Variants in SPATA13 observed in about 807,000 individuals in gnomAD.
SPATA13 encodes spermatogenesis-associated protein 13.
A neutral mutation model predicts 104.0 loss-of-function variants in SPATA13; 50 were observed. The observed-to-expected ratio is 0.48, with a 90% confidence interval of 0.38 to 0.61. SPATA13 has a LOEUF of 0.61. Ranked by LOEUF, SPATA13 falls within the 20% of genes least tolerant of loss-of-function variation. SPATA13 has a pLI of 0.00. For synonymous variants in SPATA13, 606 were observed against 667.5 expected (o/e 0.91, Z 1.42); for missense variants, 1,524 against 1,690.6 (o/e 0.90, Z 1.73).
chr13:24,270,120 G>T (rs1338242157), intron 4 of SPATA13, among the ~76,000 whole-genome samples: 1 of 152,050 alleles, frequency 6.6e-6, no homozygotes, highest in African/African-American at 2.4e-5. Context: ...TTCTGCTTAT[G>T]GGGAAATGGA....
chr13:24,036,887 G>A (rs565354148), intron 3 of SPATA13, among the ~76,000 whole-genome samples: 3 of 151,280 alleles, frequency 2.0e-5, no homozygotes, highest in Non-Finnish European at 4.4e-5. Flanking sequence ...GCGATTCTCC[G>A]ACCTCAGCCT....
chr13:24,289,994 T>C (rs563834490), intron 8 of SPATA13, among the ~76,000 whole-genome samples: 1 of 152,164 alleles, frequency 6.6e-6, no homozygotes, highest in Non-Finnish European at 1.5e-5. Context: ...CTGGGCCCCA[T>C]GTGTGACGTG....
chr13:23,980,310 A>G (rs1006804420), intron 1 of SPATA13, among the ~76,000 whole-genome samples: 1 of 152,000 alleles, frequency 6.6e-6, no homozygotes, highest in African/African-American at 2.4e-5. Context: ...GCAGCGGGGG[A>G]GGGGCCGAGC....
chr13:24,287,075 G>A lies in SPATA13; in HGVS notation c.2667+125G>A, dbSNP rs1050288009. On this transcript the variant is annotated intron_variant, in intron 7 of 12. Coordinates refer to ENST00000382108, the MANE Select transcript of SPATA13 (RefSeq NM_001166271.3). ...CTCCCACATGTATGCTCATTTCTCCGCCTCTGCTGTCTGCACTGCTAAGTC... is the reference window on the plus strand; with the variant it reads ...CTCCCACATGTATGCTCATTTCTCCACCTCTGCTGTCTGCACTGCTAAGTC... 17 of 752,916 alleles carry A rather than the reference G, an allele frequency of 2.3e-5. 1 individual carries two copies. The highest frequency in any genetic ancestry group is 2.1e-4 in the South Asian group (11 of 52,564). 46.6% of individuals were successfully genotyped at this position (752,916 alleles called of 1,614,324 possible).
chr13:24,277,808 C>A (rs1439788267), intron 4 of SPATA13, among the ~76,000 whole-genome samples: 1 of 152,154 alleles, frequency 6.6e-6, no homozygotes, highest in Non-Finnish European at 1.5e-5. Context: ...TGGTAAGCGA[C>A]CTAGACAGTA....
At chr13:24,235,895 T>G (rs1341833367) in intron 2 of SPATA13, among the ~76,000 whole-genome samples, 1 of 152,238 alleles carries the variant, frequency 6.6e-6, no homozygotes, top group African/African-American at 2.4e-5. Flanking sequence ...AATAAGAATA[T>G]AAATAATAAC....
At chr13:24,124,754 G>A (rs1488950181) in intron 3 of SPATA13, among the ~76,000 whole-genome samples, 2 of 152,240 alleles carry the variant, frequency 1.3e-5, no homozygotes, top group East Asian at 3.9e-4. Flanking sequence ...TTTTTTTAAT[G>A]TGTACACTAC....
chr13:24,202,598 T>TG (rs1259577458), intron 1 of SPATA13, among the ~76,000 whole-genome samples: 1 of 151,116 alleles, frequency 6.6e-6, no homozygotes, highest in Non-Finnish European at 1.5e-5. Context: ...ACTTTTTTTT[T>TG]TTTTGTATTT....
At chr13:24,241,780 GGC>G (rs1283551554) in intron 2 of SPATA13, among the ~76,000 whole-genome samples, 2 of 152,216 alleles carry the variant, frequency 1.3e-5, no homozygotes, top group African/African-American at 2.4e-5. Flanking sequence ...GGCCAGGCAT[GGC>G]AGCTCACTCC....
At chr13:24,216,485 C>T (rs1013921927) in intron 1 of SPATA13, among the ~76,000 whole-genome samples, 1 of 152,190 alleles carries the variant, frequency 6.6e-6, no homozygotes, top group African/African-American at 2.4e-5. Flanking sequence ...ATTCTAGTTG[C>T]ATTTGTCCAT....
At chr13:23,998,879 C>T (rs1346178796) in intron 2 of SPATA13, among the ~76,000 whole-genome samples, 1 of 149,274 alleles carries the variant, frequency 6.7e-6, no homozygotes, top group East Asian at 1.9e-4. Flanking sequence ...AATCAATTGG[C>T]TTTATATTTG....
rs1878975553 is a variant in SPATA13 at position 24,066,660 on chromosome 13, A to T, written c.-112+48959A>T. On this transcript the variant is annotated intron_variant, in intron 3 of 14. Coordinates refer to the SPATA13 transcript ENST00000424834. ...ATGCCAGCCCCTGCCTTCATGGGCC[A>T]GGAGGGGTCTGTTTTCACCCCTCAG... Among the ~76,000 whole-genome samples, 4 of 152,152 alleles carry T rather than the reference A, an allele frequency of 2.6e-5. No homozygotes were observed. The South Asian group carries it at 8.3e-4, about 32-fold the overall frequency.
intron 3 of SPATA13, among the ~76,000 whole-genome samples, chr13:24,080,451 G>C (rs968280503): frequency 1.3e-5 from 2 of 152,202 alleles, no homozygotes; most frequent in African/African-American, 4.8e-5. Flanking sequence ...CACTCAAAAT[G>C]AATAAAACAC....
chr13:24,025,884 A>G (rs907727308), intron 3 of SPATA13, among the ~76,000 whole-genome samples: 6 of 150,744 alleles, frequency 4.0e-5, no homozygotes, highest in Non-Finnish European at 8.8e-5. Context: ...ATCTCACTAC[A>G]ACCTCCGCCT....
chr13:24,155,588 G>A (rs1441641717), intron 3 of SPATA13, among the ~76,000 whole-genome samples: 1 of 152,158 alleles, frequency 6.6e-6, no homozygotes, highest in African/African-American at 2.4e-5. Context: ...CAGAGTCAGT[G>A]AGTGGCAGAG....
In SPATA13 at chr13:24,286,146, C is replaced by A; in HGVS notation, c.2302-68C>A. On this transcript the variant is annotated intron_variant, in intron 5 of 12. Transcript: ENST00000382108. This position sits in a 1 kb window ranked among gnomAD's most constrained non-coding sequence, Gnocchi z 4.9. The stretch of plus-strand genomic sequence containing the variant: ...CCAGTGTCACCCTGAGAGAGTGCAC[C>A]TAGTGGCTCCCTCACCATCCCGCCC... 1 of 1,456,424 alleles carries A rather than the reference C, an allele frequency of 6.9e-7. No homozygotes were observed. Among genetic ancestry groups the A allele is most frequent in the Non-Finnish European group, 9.3e-7 (1 of 1,071,486 alleles). The allele number at this position is 1,456,424 out of a possible 1,614,324, so 90.2% of individuals were successfully genotyped here.
At chr13:24,284,313 G>C in intron 5 of SPATA13, 42 bp downstream of exon 5, 1 of 1,581,472 alleles carries the variant, frequency 6.3e-7, no homozygotes, top group Non-Finnish European at 8.6e-7. Flanking sequence ...CGGGATACCT[G>C]ATTTTCAGGG....
At position 24,297,609 on chromosome 13, in the gene SPATA13, T is replaced by TTCAAGC; in HGVS notation, c.3460_3465dup (p.Lys1154_Leu1155dup). On this transcript the variant is annotated inframe_insertion, in exon 11 of 13. Coordinates refer to ENST00000382108, the MANE Select transcript of SPATA13 (RefSeq NM_001166271.3). The stretch of plus-strand genomic sequence containing the variant: ...CTGCAACCTCAGCGTGAAAAATGCC[T>TTCAAGC]TCAAGCTCGTCAGTAGGACCACAGA... 6.2e-7 allele frequency: 1 copy of TTCAAGC among 1,614,208 alleles called. No individual in the cohort carries two copies. The highest frequency in any genetic ancestry group is 1.1e-5 in the South Asian group (1 of 91,078).
At chr13:24,219,542 A>G (rs1871455730) in intron 1 of SPATA13, among the ~76,000 whole-genome samples, 2 of 152,258 alleles carry the variant, frequency 1.3e-5, no homozygotes, top group African/African-American at 2.4e-5. Context: ...ACGACTTCAC[A>G]TCGAAGTTAA....
Sources: gnomAD v4.1 joint callset for allele counts (sites outside exome capture counted in the v4.1 genomes callset) on GRCh38, gnomAD v4.1.1 for gene constraint, Gnocchi (gnomAD v3.1) non-coding constraint, MANE v1.5 for transcripts, NCBI Gene and HGNC (gene_info 2026-07-23, HGNC 2026-07-21) for gene names.